CLCN5: variants seen among roughly 807,000 people sequenced by gnomAD.
CLCN5 encodes the protein Cl-/H+ antiporter 5.
Under a neutral mutation model 54.0 loss-of-function variants are expected in CLCN5, and 17 were observed. The observed-to-expected ratio is 0.31, with a 90% CI of 0.22 to 0.47. CLCN5 has a LOEUF of 0.47. Ranked by LOEUF, CLCN5 falls within the 20% of genes least tolerant of loss-of-function variation. The pLI, the probability that CLCN5 is intolerant of heterozygous loss-of-function variation, is 1.00. For missense variants in CLCN5, 448 were observed against 646.7 expected (o/e 0.69, Z 3.33); for synonymous variants, 222 against 233.0 (o/e 0.95, Z 0.43).
At chrX:50,088,463 G>A (rs1933971505) in intron 11 of CLCN5, 1 of 415,419 alleles carries the variant, frequency 2.4e-6, no homozygotes. Context: ...TCAGGCTCTT[G>A]CCTGATGGAC....
chrX:50,001,115 C>T (rs1159319963), intron 3 of CLCN5, among the ~76,000 whole-genome samples: 1 of 110,692 alleles, frequency 9.0e-6, no homozygotes, highest in African/African-American at 3.3e-5. Flanking sequence ...CAGCTCCTCC[C>T]CATTATGGTA....
At chrX:49,959,243 G>A (rs1854806349) in intron 3 of CLCN5, among the ~76,000 whole-genome samples, 1 of 111,651 alleles carries the variant, frequency 9.0e-6, no homozygotes, top group South Asian at 3.8e-4. Flanking sequence ...TACTTAAAAT[G>A]ACATGGCCAT....
rs782746421 is a variant in CLCN5 at position 50,080,630 on chromosome X, G to A, written c.640G>A (p.Val214Ile). 3.9e-5 allele frequency: 47 copies of A among 1,203,551 alleles called. No homozygotes were observed. The highest frequency in any genetic ancestry group is 2.3e-4 in the Middle Eastern group (1 of 4,357). The change falls in exon 8 of 15, where the codon GTC becomes ATC. Residue 214 changes from valine (V) to isoleucine (I), a missense_variant. By Grantham distance (29) the Val-to-Ile change is conservative. Coordinates refer to ENST00000376091, the MANE Select transcript of CLCN5 (RefSeq NM_001127898.4). ...CTACATAGTCAATTATTTCATGTAC[G>A]TCCTCTGGGCTCTCCTATTTGCCTT... ...FAYIVNYFMY[V>I]LWALLFAFLA...
rs1386109428 is a variant in CLCN5 at position 50,042,458 on chromosome X, A to T, written c.159A>T (p.Val53=). The T allele has an allele frequency of 9.6e-7, 1 of 1,038,725 alleles. No individual in the cohort carries two copies. The highest frequency in any genetic ancestry group is 1.9e-5 in the African/African-American group (1 of 51,729). The allele number at this position is 1,038,725 out of a possible 1,213,427, so 85.6% of individuals were successfully genotyped here. A position where few individuals can be genotyped will look rare whatever the true frequency, so the allele number is the denominator to read the frequency against. Residue 53 remains valine, a synonymous_variant, in exon 4 of 15, where the codon GTA becomes GTT. Transcript: ENST00000376091. The part of the protein sequence containing the change: ...RDDVPPLDRE[V]GEDKSYNGGG... ...ATGTTCCTCCCTTAGACCGAGAAGT[A>T]GGAGGTATCATTATTGGTGATGATA...
chrX:50,063,134 C>T (rs1488352346), intron 4 of CLCN5, among the ~76,000 whole-genome samples: 34 of 101,886 alleles, frequency 3.3e-4, no homozygotes, highest in Non-Finnish European at 6.1e-4. Context: ...CAAAAGCTAG[C>T]AGAAGGCAAG....
chrX:50,070,085 G>T, intron 5 of CLCN5, 55 bp downstream of exon 5: 1 of 1,060,286 alleles, frequency 9.4e-7, no homozygotes, highest in Non-Finnish European at 1.3e-6. Context: ...GGAAGAAATT[G>T]AAGATACATA....
At position 49,931,974 on chromosome X, in the gene CLCN5, G is replaced by A. The variant is rs537905827; in HGVS notation, c.16+6660G>A. On this transcript the variant is annotated intron_variant, in intron 3 of 14. Coordinates refer to ENST00000376091, the MANE Select transcript of CLCN5 (RefSeq NM_001127898.4). ...TCTGTCACCCAGCCTGGAGTGCAGT[G>A]GTAGGATCTTGGCTCACTGTAACCT... 1.4e-4 allele frequency among the ~76,000 whole-genome samples: 16 copies of A among 110,413 alleles called. No individual in the cohort carries two copies. The South Asian group carries it at 5.5e-3, about 38-fold the overall frequency.
Position 50,090,255 on chromosome X carries a change from T to C in CLCN5, c.1884T>C (p.Tyr628=). The C allele has an allele frequency of 8.3e-7, 1 of 1,211,486 alleles. No homozygotes were observed. Among genetic ancestry groups the C allele is most frequent in the Middle Eastern group, 2.3e-4 (1 of 4,354 alleles). Residue 628 remains tyrosine (Y), a synonymous_variant, in exon 13 of 15, where the codon TAT becomes TAC. Transcript: ENST00000376091. ...ATGCTCTTGGGCGGGAGGGCATCTA[T>C]GATGCCCACATCCGTCTCAATGGAT... ...VADALGREGI[Y]DAHIRLNGYP... is the part of the protein sequence containing the mutation.
At chrX:49,997,156 A>G (rs1212253292) in intron 3 of CLCN5, among the ~76,000 whole-genome samples, 1 of 111,926 alleles carries the variant, frequency 8.9e-6, no homozygotes, top group Non-Finnish European at 1.9e-5. Flanking sequence ...GATGTATCTC[A>G]GAGAACTTTT....
intron 3 of CLCN5, among the ~76,000 whole-genome samples, chrX:50,031,566 A>C: frequency 9.0e-6 from 1 of 111,578 alleles, no homozygotes; most frequent in Middle Eastern, 4.6e-3. Flanking sequence ...AATTTTCTGC[A>C]GACTGTAGTA....
chrX:50,042,194 C>T (rs192126603), intron 3 of CLCN5, 122 bp from the exon 4 acceptor site: 21 of 323,115 alleles, frequency 6.5e-5, no homozygotes, highest in African/African-American at 5.4e-4. Flanking sequence ...GTGATAGTTG[C>T]ACATAGTAAG....
intron 2 of CLCN5, among the ~76,000 whole-genome samples, 196 bp from the exon 3 acceptor site, chrX:49,924,975 T>C (rs367816136): frequency 1.5e-3 from 168 of 112,515 alleles, no homozygotes; most frequent in African/African-American, 5.0e-3. Context: ...CAGAAATGTA[T>C]AGCACTGAGT....
In CLCN5 at chrX:49,973,462, C is replaced by T. The variant is rs184695567; in HGVS notation, c.16+48148C>T. 7.6e-4 allele frequency among the ~76,000 whole-genome samples: 83 copies of T among 108,759 alleles called. 1 individual carries two copies. The highest frequency in any genetic ancestry group is 1.3e-4 in the Non-Finnish European group (7 of 52,734). 94.4% of individuals were successfully genotyped at this position (108,759 alleles called of 115,157 possible). ...ATGTGCCATGTTGGTGTGCTGCACCCATTAACTCGTCATTTAGCATATCTC... is the reference window on the plus strand; with the variant it reads ...ATGTGCCATGTTGGTGTGCTGCACCTATTAACTCGTCATTTAGCATATCTC... On this transcript the variant is annotated intron_variant, in intron 3 of 14. Transcript: ENST00000376091.
chrX:49,966,041 T>C (rs1927827677), intron 3 of CLCN5, among the ~76,000 whole-genome samples: 1 of 109,564 alleles, frequency 9.1e-6, no homozygotes, highest in African/African-American at 3.5e-5. Context: ...ATTAGTGATA[T>C]TGGACTTCAG....
chrX:50,066,351 T>G (rs1557190878), intron 4 of CLCN5, among the ~76,000 whole-genome samples: 1 of 111,612 alleles, frequency 9.0e-6, no homozygotes, highest in East Asian at 2.8e-4. Flanking sequence ...GTGAGTGAGA[T>G]AATATAACAA....
rs782315064 is a variant in CLCN5 at position 50,092,192 on chromosome X, A to G, written c.2424A>G (p.Gln808=). 2.5e-6 allele frequency: 3 copies of G among 1,197,647 alleles called. 1 individual carries two copies. The South Asian group carries it at 5.3e-5, about 21-fold the overall frequency. The change falls in exon 15 of 15, where the codon CAA becomes CAG. Residue 808 remains glutamine (Q), a synonymous_variant. Coordinates refer to ENST00000376091, the MANE Select transcript of CLCN5 (RefSeq NM_001127898.4). ...AGCATATAGCACAGATGGCGAACCA[A>G]GATCCTGATTCCATTCTCTTCAACT... ...VLKHIAQMAN[Q]DPDSILFN
At chrX:50,013,337 GA>G (rs1930619050) in intron 3 of CLCN5, 2 of 365,721 alleles carry the variant, frequency 5.5e-6, no homozygotes, top group Non-Finnish European at 1.1e-5. Flanking sequence ...TTGTCATCGT[GA>G]ATCTTCTGCT....
In CLCN5 at chrX:50,086,461, C is replaced by T; in HGVS notation, c.1148C>T (p.Pro383Leu). 1 of 1,211,359 alleles carries T rather than the reference C, an allele frequency of 8.3e-7. No individual in the cohort carries two copies. Among genetic ancestry groups the T allele is most frequent in the Non-Finnish European group, 1.1e-6 (1 of 895,489 alleles). ...CTATTTTATGTGGAGTTTCACACCC[C>T]ATGGCATCTCTTTGAGCTCGTGCCA... ...LVLFYVEFHT[P>L]WHLFELVPFI... The change falls in exon 11 of 15, where the codon CCA becomes CTA. Residue 383 changes from proline (P) to leucine (L), a missense_variant. By Grantham distance (98) the Pro-to-Leu change is moderately conservative. This residue lies in a region of CLCN5 where 297 missense variants were observed against 470.4 expected (regional missense o/e 0.63). Coordinates refer to ENST00000376091, the MANE Select transcript of CLCN5 (RefSeq NM_001127898.4).
At chrX:50,006,095 A>G (rs902366374) in intron 3 of CLCN5, among the ~76,000 whole-genome samples, 2 of 112,271 alleles carry the variant, frequency 1.8e-5, no homozygotes, top group Admixed American at 1.9e-4. Context: ...AGAAACTGGG[A>G]GACCAGTTAG....
Sources: allele counts gnomAD v4.1 joint callset (sites outside exome capture counted in the v4.1 genomes callset), GRCh38; gene constraint gnomAD v4.1.1; regional missense constraint gnomAD v4.1.1; transcripts MANE v1.5; gene names NCBI Gene and HGNC (gene_info 2026-07-23, HGNC 2026-07-21).